RFC4: variants seen among roughly 807,000 people sequenced by gnomAD.
The protein encoded by RFC4 is A1 37 kDa subunit.
RFC4 carries 38 observed loss-of-function variants against 47.6 expected under a neutral mutation model. The ratio of observed to expected loss-of-function variants is 0.80; its 90% CI spans 0.62 to 1.05. RFC4 has a LOEUF of 1.05. Among genes scored for constraint, RFC4 ranks in the 50% least tolerant of loss-of-function variants. The probability of loss-of-function intolerance (pLI) is 0.00; values close to 1 mark genes in which losing one functional copy is unlikely to be tolerated. For synonymous variants in RFC4, 164 were observed against 150.0 expected (o/e 1.09, Z -0.68); for missense variants, 489 against 434.0 (o/e 1.13, Z -1.13).
chr3:186,804,524 C>A, intron 2 of RFC4, 59 bp downstream of exon 2: 6 of 1,452,936 alleles, frequency 4.1e-6, no homozygotes, highest in South Asian at 2.7e-5. Flanking sequence ...AAAAAGTGAT[C>A]AGTACTGGTT....
intron 5 of RFC4, among the ~76,000 whole-genome samples, 198 bp downstream of exon 5, chr3:186,794,459 AT>A (rs1235987422): frequency 6.6e-6 from 1 of 152,226 alleles, no homozygotes; most frequent in African/African-American, 2.4e-5. Context: ...CACCAATGTA[AT>A]CCTGGACCTT....
rs746846143 is a variant in RFC4, at chr3:186,790,262, TAAAAA to T, written c.883-12_883-8del. 5.0e-6 allele frequency: 8 copies of T among 1,611,536 alleles called. No individual in the cohort carries two copies. Among genetic ancestry groups the T allele is most frequent in the African/African-American group, 2.7e-5 (2 of 74,834 alleles). On this transcript the variant is annotated splice_polypyrimidine_tract_variant and splice_region_variant and intron_variant, in intron 9 of 10. Coordinates refer to ENST00000296273, the MANE Select transcript of RFC4 (RefSeq NM_002916.5). The stretch of plus-strand genomic sequence containing the variant: ...GACCCTCATCTATTAAATCCTATAA[TAAAAA>T]AAACTTTTGGTATGATGACTTAATA...
intron 3 of RFC4, 62 bp from the exon 4 acceptor site, chr3:186,797,676 G>A (rs1422179190): frequency 2.0e-5 from 24 of 1,198,168 alleles, no homozygotes; most frequent in Admixed American, 1.5e-4. Flanking sequence ...TGAAAAGGAA[G>A]ATCGAAAAAA....
At chr3:186,794,838 A>T in intron 4 of RFC4, 61 bp from the exon 5 acceptor site, 2 of 1,577,164 alleles carry the variant, frequency 1.3e-6, no homozygotes, top group African/African-American at 2.7e-5. Flanking sequence ...TCACATTTTA[A>T]CATTTGCACA....
At position 186,793,030 on chromosome 3, in the gene RFC4, C is replaced by A. The variant is rs1295088560; in HGVS notation, c.411-83G>T. 4 of 1,098,578 alleles carry A rather than the reference C, an allele frequency of 3.6e-6. No homozygotes were observed. Among genetic ancestry groups the A allele is most frequent in the East Asian group, 5.1e-5 (2 of 39,102 alleles). The allele number at this position is 1,098,578 out of a possible 1,614,324, so 68.1% of individuals were successfully genotyped here. A position where few individuals can be genotyped will look rare whatever the true frequency, so the allele number is the denominator to read the frequency against. ...TTTGTTGAAAGATACACGTACCATA[C>A]AATTCACCCATTTAAAATGTACAAT... is the stretch of plus-strand genomic sequence containing the variant. On this transcript the variant is annotated intron_variant, in intron 5 of 10. Coordinates refer to ENST00000296273, the MANE Select transcript of RFC4 (RefSeq NM_002916.5). This position sits in a 1 kb window ranked among gnomAD's most constrained non-coding sequence, Gnocchi z 4.2.
intron 2 of RFC4, 134 bp downstream of exon 2, chr3:186,804,449 G>C: frequency 1.3e-6 from 1 of 793,904 alleles, no homozygotes; most frequent in East Asian, 2.6e-5. Context: ...TATATAAGTG[G>C]GTGATTTTTT....
intron 1 of RFC4, 45 bp from the exon 2 acceptor site, chr3:186,804,769 T>G: frequency 2.5e-6 from 4 of 1,577,600 alleles, no homozygotes; most frequent in Non-Finnish European, 3.5e-6. Flanking sequence ...ATTGAAACTT[T>G]TATTGCGAAT....
intron 3 of RFC4, among the ~76,000 whole-genome samples, chr3:186,800,237 G>A (rs577747604): frequency 1.3e-5 from 2 of 152,286 alleles, no homozygotes; most frequent in Non-Finnish European, 2.9e-5. Flanking sequence ...GATTACAGGC[G>A]TGAGCCACTG....
intron 3 of RFC4, 148 bp downstream of exon 3, chr3:186,800,969 C>A (rs1198424923): frequency 1.7e-6 from 1 of 589,420 alleles, no homozygotes; most frequent in African/African-American, 1.9e-5. Context: ...AATATTTGAA[C>A]TAATTATCAT....
intron 10 of RFC4, 29 bp downstream of exon 10, chr3:186,790,112 TC>T (rs755316375): frequency 4.4e-6 from 7 of 1,603,144 alleles, no homozygotes; most frequent in African/African-American, 4.0e-5. Context: ...AGTTAAATGT[TC>T]CATTGACATG....
chr3:186,792,120 T>C (rs1171527065), intron 7 of RFC4, among the ~76,000 whole-genome samples: 1 of 152,204 alleles, frequency 6.6e-6, no homozygotes, highest in African/African-American at 2.4e-5. Flanking sequence ...ATTCAAATTA[T>C]GGTTAAATTC....
rs749697234 is a variant in RFC4 at position 186,804,538 on chromosome 3, G to C, written c.131+45C>G. On this transcript the variant is annotated intron_variant, in intron 2 of 10. Coordinates refer to ENST00000296273, the MANE Select transcript of RFC4 (RefSeq NM_002916.5). ...AAAAAAGTGATCAGTACTGGTTAGA[G>C]AGATAATTTATGAATTATTTTAACA... 2.5e-6 allele frequency: 4 copies of C among 1,578,164 alleles called. No individual in the cohort carries two copies. The African/African-American group carries it at 5.4e-5, about 21-fold the overall frequency.
intron 8 of RFC4, among the ~76,000 whole-genome samples, chr3:186,790,646 A>C (rs913828860): frequency 3.0e-4 from 45 of 152,226 alleles, no homozygotes; most frequent in Non-Finnish European, 1.2e-4. Context: ...AAGTTTGGGC[A>C]CACATGGATT....
At position 186,798,315 on chromosome 3, in the gene RFC4, C is replaced by T. The variant is rs76137278; in HGVS notation, c.211-701G>A. Among the ~76,000 whole-genome samples the T allele has an allele frequency of 2.1e-3, 312 of 152,150 alleles. 4 individuals carry two copies. The highest frequency in any genetic ancestry group is 4.8e-3 in the African/African-American group (201 of 41,532). ...GCTCCTATCAAGCAGTCGACTGATCCGTGGTGAAAATTAATAAGTCAACTA... is the reference window on the plus strand; with the variant it reads ...GCTCCTATCAAGCAGTCGACTGATCTGTGGTGAAAATTAATAAGTCAACTA... On this transcript the variant is annotated intron_variant, in intron 3 of 10. Transcript: ENST00000296273.
intron 2 of RFC4, among the ~76,000 whole-genome samples, chr3:186,802,885 CACG>C (rs1722389721): frequency 6.6e-6 from 1 of 152,118 alleles, no homozygotes; most frequent in South Asian, 2.1e-4. Context: ...TTGAGGAACA[CACG>C]ACCTTTCCAA....
chr3:186,794,436 T>C (rs1447942176), intron 5 of RFC4, among the ~76,000 whole-genome samples: 1 of 152,184 alleles, frequency 6.6e-6, no homozygotes, highest in East Asian at 1.9e-4. Context: ...AATTTACACA[T>C]ATGTCTAGGT....
In RFC4 at chr3:186,790,424, C is replaced by G. The variant is rs200482426; in HGVS notation, c.802-18G>C. On this transcript the variant is annotated intron_variant, in intron 8 of 10. Coordinates refer to ENST00000296273, the MANE Select transcript of RFC4 (RefSeq NM_002916.5). ...GGTATTACCTAGGTAATTGAATGTT[C>G]GGTATTAAAGATGTTTCTAGGTGAG... 1 of 1,572,864 alleles carries G rather than the reference C, an allele frequency of 6.4e-7. No homozygotes were observed. The highest frequency in any genetic ancestry group is 1.4e-5 in the African/African-American group (1 of 73,948).
intron 3 of RFC4, among the ~76,000 whole-genome samples, chr3:186,797,829 T>C (rs190308216): frequency 2.0e-5 from 3 of 152,342 alleles, no homozygotes; most frequent in African/African-American, 4.8e-5. Flanking sequence ...CCCAAGTGTC[T>C]TTTTAATCTC....
Position 186,806,017 on chromosome 3 carries a change from C to T in RFC4, c.-12+273G>A, listed in dbSNP as rs3917091. On this transcript the variant is annotated intron_variant, in intron 1 of 10. Transcript: ENST00000296273. ...CTTGCTTGGCATATGGGGATATGCT[C>T]AATAAAATAAATTTTTAATATCTGT... Among the ~76,000 whole-genome samples the T allele has an allele frequency of 7.4e-3, 1,122 of 152,260 alleles. 15 individuals are homozygous for T. The highest frequency in any genetic ancestry group is 0.026 in the African/African-American group (1,065 of 41,552).
Sources: gnomAD v4.1 joint callset for allele counts (sites outside exome capture counted in the v4.1 genomes callset) on GRCh38, gnomAD v4.1.1 for gene constraint, Gnocchi (gnomAD v3.1) non-coding constraint, MANE v1.5 for transcripts, NCBI Gene and HGNC (gene_info 2026-07-23, HGNC 2026-07-21) for gene names.